Variants in RGS6 observed in about 807,000 individuals in gnomAD.
RGS6 encodes the protein regulator of G-protein signaling 6.
RGS6 carries 30 observed loss-of-function variants against 78.5 expected under a neutral mutation model. That is an observed-to-expected ratio of 0.38 (90% confidence interval 0.29 to 0.52). The LOEUF (loss-of-function observed/expected upper bound fraction) is 0.52, where lower values mean the gene tolerates loss of function less well. Among genes scored for constraint, RGS6 ranks in the 20% least tolerant of loss-of-function variants. The probability of loss-of-function intolerance (pLI) is 0.85; values close to 1 mark genes in which losing one functional copy is unlikely to be tolerated. For synonymous variants in RGS6, 206 were observed against 206.0 expected (o/e 1.00, Z 0.00); for missense variants, 495 against 609.7 (o/e 0.81, Z 1.98).
chr14:72,046,291 C>T (rs1311611491), intron 2 of RGS6, among the ~76,000 whole-genome samples: 2 of 150,900 alleles, frequency 1.3e-5, no homozygotes, highest in Non-Finnish European at 2.9e-5. Context: ...ATACACACAC[C>T]TCTCATTTTA....
At chr14:72,171,711 G>A (rs529612468) in intron 2 of RGS6, among the ~76,000 whole-genome samples, 21 of 152,312 alleles carry the variant, frequency 1.4e-4, no homozygotes, top group African/African-American at 5.1e-4. Flanking sequence ...GTTATTTTTA[G>A]TGGTAGAGGA....
At chr14:72,620,473 T>C in the RGS6 span, among the ~76,000 whole-genome samples, 1 of 152,216 alleles carries the variant, frequency 6.6e-6, no homozygotes, top group Non-Finnish European at 1.5e-5. Flanking sequence ...CATTAGAATG[T>C]AGAAAAATGC....
At chr14:72,539,870 C>A (rs1232877889) in intron 16 of RGS6, among the ~76,000 whole-genome samples, 171 bp from the exon 17 acceptor site, 1 of 152,344 alleles carries the variant, frequency 6.6e-6, no homozygotes, top group Admixed American at 6.5e-5. Context: ...CTGTCTCTCC[C>A]ATTGACTCTT....
intron 2 of RGS6, among the ~76,000 whole-genome samples, chr14:72,348,209 T>C (rs1292294573): frequency 6.6e-6 from 1 of 152,160 alleles, no homozygotes; most frequent in East Asian, 1.9e-4. Flanking sequence ...GTCTGAGAAA[T>C]AGAAGATGAA....
chr14:72,033,422 A>G (rs1287365537), intron 2 of RGS6, among the ~76,000 whole-genome samples: 1 of 151,696 alleles, frequency 6.6e-6, no homozygotes, highest in Non-Finnish European at 1.5e-5. Flanking sequence ...ATTTGTAGAG[A>G]TGGGGTCTCA....
chr14:72,112,101 G>T (rs544290103), intron 2 of RGS6, among the ~76,000 whole-genome samples: 16 of 152,190 alleles, frequency 1.1e-4, no homozygotes, highest in African/African-American at 3.9e-4. Context: ...TTATTCTGAT[G>T]GTCCCTGTCA....
rs59943776 is a variant in RGS6, at chr14:72,548,348, C to CGTGT, written c.1422+8275_1422+8278dup. On this transcript the variant is annotated intron_variant, in intron 17 of 17. Transcript: ENST00000553525. ...ATATTTGTGTGTGTGTGTGTGCGCG[C>CGTGT]GTGTGTGTGTGTGTGTGTGTGTGTT... Among the ~76,000 whole-genome samples the CGTGT allele has an allele frequency of 2.4e-3, 312 of 129,552 alleles. 4 individuals carry two copies. The highest frequency in any genetic ancestry group is 0.02 in the East Asian group (82 of 4,050). The allele number at this position is 129,552 out of a possible 152,430, so 85.0% of individuals were successfully genotyped here.
intron 17 of RGS6, chr14:72,540,527 C>T: frequency 6.3e-7 from 1 of 1,577,046 alleles, no homozygotes; most frequent in Admixed American, 1.7e-5. Context: ...CCTCTGTGAA[C>T]CCTGGCAGTC....
chr14:72,554,416 G>A (rs992103638), intron 17 of RGS6, among the ~76,000 whole-genome samples: 6 of 152,306 alleles, frequency 3.9e-5, no homozygotes, highest in South Asian at 2.1e-4. Flanking sequence ...ACTGTCTCCC[G>A]TAGTCATAGT....
chr14:71,982,526 C>A (rs550534266), intron 2 of RGS6, among the ~76,000 whole-genome samples: 1 of 152,288 alleles, frequency 6.6e-6, no homozygotes, highest in Non-Finnish European at 1.5e-5. Context: ...AGATATATTT[C>A]TAGATCTCCT....
At chr14:72,155,629 G>A (rs117538654) in intron 2 of RGS6, among the ~76,000 whole-genome samples, 12 of 152,116 alleles carry the variant, frequency 7.9e-5, no homozygotes, top group African/African-American at 2.4e-4. Context: ...GATTCTTTAC[G>A]TTTATGATGG....
intron 2 of RGS6, among the ~76,000 whole-genome samples, chr14:72,305,305 G>A (rs1044269801): frequency 1.3e-5 from 2 of 152,030 alleles, no homozygotes; most frequent in Non-Finnish European, 2.9e-5. Flanking sequence ...TCTAGTGTTG[G>A]GGTTACATAT....
At chr14:72,028,001 G>A (rs2090199638) in intron 2 of RGS6, among the ~76,000 whole-genome samples, 1 of 152,140 alleles carries the variant, frequency 6.6e-6, no homozygotes, top group South Asian at 2.1e-4. Context: ...TTTCGTTTGG[G>A]GACTGCCGCT....
chr14:71,878,989 C>A, the RGS6 span, among the ~76,000 whole-genome samples: 7 of 152,102 alleles, frequency 4.6e-5, no homozygotes, highest in Non-Finnish European at 7.4e-5. Flanking sequence ...CAGATATGTT[C>A]ATGTTTCTGG....
intron 3 of RGS6, chr14:72,420,878 TTTC>T (rs2094138044): frequency 6.6e-6 from 1 of 152,194 alleles, no homozygotes; most frequent in African/African-American, 2.4e-5. Flanking sequence ...CCTGGCAGTT[TTTC>T]TTAACTGAAG....
chr14:72,298,917 C>T (rs1212729946), intron 2 of RGS6, among the ~76,000 whole-genome samples: 2 of 152,094 alleles, frequency 1.3e-5, no homozygotes, highest in Admixed American at 6.5e-5. Context: ...TGGGAGAGTT[C>T]TTTGTGGGAA....
At chr14:72,314,969 T>C (rs1295347057) in intron 2 of RGS6, among the ~76,000 whole-genome samples, 1 of 152,256 alleles carries the variant, frequency 6.6e-6, no homozygotes, top group Admixed American at 6.5e-5. Flanking sequence ...AACATTGCTT[T>C]GGGATGGATG....
chr14:72,276,646 G>C (rs1285853020), intron 2 of RGS6, among the ~76,000 whole-genome samples: 2 of 152,134 alleles, frequency 1.3e-5, no homozygotes, highest in African/African-American at 2.4e-5. Context: ...TAGTGAATAA[G>C]TCTCATGAGA....
intron 2 of RGS6, among the ~76,000 whole-genome samples, chr14:71,966,634 C>A (rs1248403363): frequency 6.6e-6 from 1 of 151,826 alleles, no homozygotes; most frequent in Non-Finnish European, 1.5e-5. Context: ...ATTTTTTCAT[C>A]TGTAAAAAGA....
Sources: gnomAD v4.1 joint callset for allele counts (sites outside exome capture counted in the v4.1 genomes callset) on GRCh38, gnomAD v4.1.1 for gene constraint, MANE v1.5 for transcripts, NCBI Gene and HGNC (gene_info 2026-07-23, HGNC 2026-07-21) for gene names.